CWC27: variants seen among roughly 807,000 people sequenced by gnomAD.
CWC27 encodes spliceosome-associated protein CWC27 homolog.
A neutral mutation model predicts 63.6 loss-of-function variants in CWC27; 47 were observed. The observed-to-expected ratio is 0.74, with a 90% CI of 0.58 to 0.94. The LOEUF (loss-of-function observed/expected upper bound fraction) is 0.94, where lower values mean the gene tolerates loss of function less well. Ranked by LOEUF, CWC27 falls within the 40% of genes least tolerant of loss-of-function variation. The pLI is 0.00. For missense variants in CWC27, 495 were observed against 554.3 expected, an observed-to-expected ratio of 0.89 and a Z score of 1.07; for synonymous variants, 175 against 179.8, an observed-to-expected ratio of 0.97 and a Z score of 0.22.
At chr5:64,832,143 A>C (rs753406343) in intron 10 of CWC27, among the ~76,000 whole-genome samples, 10 of 151,902 alleles carry the variant, frequency 6.6e-5, no homozygotes, top group Non-Finnish European at 1.2e-4. Context: ...TTTATTTTGC[A>C]CTTTAAATGA....
At chr5:64,954,777 CAT>C (rs10556328) in intron 11 of CWC27, among the ~76,000 whole-genome samples, 67,156 of 140,526 alleles carry the variant, frequency 0.48, 15,079 homozygotes, top group African/African-American at 0.51. Flanking sequence ...TTTCTATATG[CAT>C]ATATATATAT....
At chr5:64,849,709 G>T (rs1392020669) in intron 10 of CWC27, among the ~76,000 whole-genome samples, 1 of 152,126 alleles carries the variant, frequency 6.6e-6, no homozygotes, top group African/African-American at 2.4e-5. Flanking sequence ...CTGGTGGGGG[G>T]GTGATAGGAT....
At chr5:64,903,921 C>A (rs1256930553) in intron 11 of CWC27, among the ~76,000 whole-genome samples, 1 of 152,132 alleles carries the variant, frequency 6.6e-6, no homozygotes, top group East Asian at 1.9e-4. Flanking sequence ...TCCTTTATCA[C>A]CAAATAATAT....
chr5:64,774,480 T>C (rs1202757311), intron 1 of CWC27, among the ~76,000 whole-genome samples: 1 of 152,240 alleles, frequency 6.6e-6, no homozygotes, highest in Non-Finnish European at 1.5e-5. Context: ...TCCCAAACTT[T>C]TTCTGAAATG....
chr5:64,853,166 A>G (rs1746177798), intron 10 of CWC27, among the ~76,000 whole-genome samples: 1 of 152,234 alleles, frequency 6.6e-6, no homozygotes, highest in Non-Finnish European at 1.5e-5. Flanking sequence ...AAAACTTTCT[A>G]ACAGGTAGAC....
At chr5:64,877,116 T>A (rs1394657973) in intron 10 of CWC27, among the ~76,000 whole-genome samples, 1 of 152,036 alleles carries the variant, frequency 6.6e-6, no homozygotes, top group Non-Finnish European at 1.5e-5. Flanking sequence ...TATACCCCCA[T>A]GTTTATTGCA....
intron 3 of CWC27, among the ~76,000 whole-genome samples, chr5:64,783,504 A>G (rs2112164750): frequency 6.6e-6 from 1 of 152,334 alleles, no homozygotes; most frequent in Non-Finnish European, 1.5e-5. Flanking sequence ...TCTGGGAGAA[A>G]TAATAGAAGA....
intron 10 of CWC27, among the ~76,000 whole-genome samples, chr5:64,831,450 G>A (rs1170347055): frequency 6.7e-6 from 1 of 150,308 alleles, no homozygotes; most frequent in Non-Finnish European, 1.5e-5. Flanking sequence ...AATTATTGAG[G>A]ACTCCAAAAA....
intron 7 of CWC27, among the ~76,000 whole-genome samples, chr5:64,794,587 A>G (rs1306648430): frequency 1.3e-5 from 2 of 152,044 alleles, no homozygotes; most frequent in Non-Finnish European, 2.9e-5. Flanking sequence ...AGAGGAAGGG[A>G]AATGGTGGGG....
chr5:64,935,113 T>A (rs1748319823), intron 11 of CWC27, among the ~76,000 whole-genome samples: 1 of 152,236 alleles, frequency 6.6e-6, no homozygotes, highest in Non-Finnish European at 1.5e-5. Context: ...TTTAATTAGA[T>A]CTGATTTGTC....
At chr5:64,989,350 T>C (rs1484257293) in intron 13 of CWC27, among the ~76,000 whole-genome samples, 2 of 152,246 alleles carry the variant, frequency 1.3e-5, no homozygotes, top group Non-Finnish European at 2.9e-5. Context: ...ATCTCATTTC[T>C]TTCAGGTTCT....
At chr5:64,791,002 C>G (rs1476935683) in intron 7 of CWC27, among the ~76,000 whole-genome samples, 2 of 152,046 alleles carry the variant, frequency 1.3e-5, no homozygotes, top group African/African-American at 2.4e-5. Flanking sequence ...GAAGCTGTCT[C>G]CTTCAAGCCC....
chr5:64,865,002 T>C (rs995160882), intron 10 of CWC27, among the ~76,000 whole-genome samples: 1 of 152,040 alleles, frequency 6.6e-6, no homozygotes, highest in Non-Finnish European at 1.5e-5. Context: ...TCCTATATAA[T>C]TGAAATGTTG....
intron 7 of CWC27, among the ~76,000 whole-genome samples, chr5:64,795,634 A>C (rs1340304772): frequency 6.6e-6 from 1 of 152,120 alleles, no homozygotes; most frequent in Non-Finnish European, 1.5e-5. Flanking sequence ...GCATTACTCT[A>C]AAATTGACTC....
chr5:64,836,494 C>T (rs1745660604), intron 10 of CWC27, among the ~76,000 whole-genome samples: 1 of 152,060 alleles, frequency 6.6e-6, no homozygotes, highest in East Asian at 1.9e-4. Context: ...ATGGAGATTT[C>T]CCTTTAATAA....
At chr5:64,963,279 A>G (rs901529142) in intron 11 of CWC27, among the ~76,000 whole-genome samples, 1 of 152,112 alleles carries the variant, frequency 6.6e-6, no homozygotes, top group Non-Finnish European at 1.5e-5. Flanking sequence ...AGATTTTTTT[A>G]AAGAAATAAA....
At chr5:64,794,403 T>A (rs1744185458) in intron 7 of CWC27, among the ~76,000 whole-genome samples, 1 of 152,112 alleles carries the variant, frequency 6.6e-6, no homozygotes, top group African/African-American at 2.4e-5. Flanking sequence ...TTGAGTTCAA[T>A]AAAATCAGCT....
In CWC27 at chr5:64,992,698, A is replaced by AT. The variant is rs10710157; in HGVS notation, c.1256+15476dup. ...AGGCGCCCGCCACCACGCCTGGCTAATTTTTTTTTTTTTTTTAATAGAGAC... is the reference window on the plus strand; with the variant it reads ...AGGCGCCCGCCACCACGCCTGGCTAATTTTTTTTTTTTTTTTTAATAGAGAC... On this transcript the variant is annotated intron_variant, in intron 13 of 13. Coordinates refer to ENST00000381070, the MANE Select transcript of CWC27 (RefSeq NM_005869.4). Among the ~76,000 whole-genome samples, 583 of 142,406 alleles carry AT rather than the reference A, an allele frequency of 4.1e-3. 5 individuals are homozygous for AT. The highest frequency in any genetic ancestry group is 0.012 in the African/African-American group (476 of 38,448). The allele number at this position is 142,406 out of a possible 152,430, so 93.4% of individuals were successfully genotyped here.
intron 13 of CWC27, among the ~76,000 whole-genome samples, chr5:64,989,429 T>C (rs1232633388): frequency 6.6e-6 from 1 of 152,260 alleles, no homozygotes; most frequent in Non-Finnish European, 1.5e-5. Context: ...AGCAAATTTT[T>C]TTCTTTAAAA....
Sources: gnomAD v4.1 joint callset for allele counts (sites outside exome capture counted in the v4.1 genomes callset) on GRCh38, gnomAD v4.1.1 for gene constraint, MANE v1.5 for transcripts, NCBI Gene and HGNC (gene_info 2026-07-23, HGNC 2026-07-21) for gene names.